The following ASXL1 variants were observed in gnomAD, a reference collection of about 807,000 sequenced individuals.
ASXL1 encodes ASXL transcriptional regulator 1.
Under a neutral mutation model 89.1 loss-of-function variants are expected in ASXL1, and 65 were observed. That is an observed-to-expected ratio of 0.73 (90% CI 0.60 to 0.90). ASXL1 has a LOEUF of 0.90. Among genes scored for constraint, ASXL1 ranks in the 40% least tolerant of loss-of-function variants. The pLI is 0.00. For missense variants in ASXL1, 1,786 were observed against 1,942.9 expected (o/e 0.92, Z 1.52); for synonymous variants, 739 against 746.9 (o/e 0.99, Z 0.17).
intron 4 of ASXL1, among the ~76,000 whole-genome samples, chr20:32,383,106 T>C (rs1381822391): frequency 6.6e-6 from 1 of 152,180 alleles, no homozygotes; most frequent in Admixed American, 6.5e-5. Flanking sequence ...ATTTTTTCTC[T>C]TGGTTTTCTG....
chr20:32,397,211 T>A (rs1301075209), intron 4 of ASXL1, among the ~76,000 whole-genome samples: 5 of 134,146 alleles, frequency 3.7e-5, no homozygotes, highest in Non-Finnish European at 8.0e-5. Flanking sequence ...TGCCTGGCCT[T>A]TTTTTTTTTT....
rs557370639 is a variant in ASXL1, at chr20:32,430,395, G to A, written c.718+342G>A. On this transcript the variant is annotated intron_variant, in intron 8 of 12. Coordinates refer to ENST00000375687, the MANE Select transcript of ASXL1 (RefSeq NM_015338.6). ...ATTCCAACACCCCTTTTCTCTCTTC[G>A]GTAGCATGTTGCCACATTTGTTCCC... 72 of 286,158 alleles carry A rather than the reference G, an allele frequency of 2.5e-4. No homozygotes were observed. The South Asian group carries it at 4.1e-3, about 16-fold the overall frequency. 17.7% of individuals were successfully genotyped at this position (286,158 alleles called of 1,614,324 possible). A position where few individuals can be genotyped will look rare whatever the true frequency, so the allele number is the denominator to read the frequency against.
intron 4 of ASXL1, among the ~76,000 whole-genome samples, chr20:32,390,507 CTG>C (rs2048652872): frequency 1.3e-5 from 2 of 152,160 alleles, no homozygotes; most frequent in African/African-American, 2.4e-5. Flanking sequence ...GACAGTCTCA[CTG>C]TCACCCAGGC....
chr20:32,372,520 G>A (rs2048314519), intron 4 of ASXL1: 1 of 554,514 alleles, frequency 1.8e-6, no homozygotes, highest in Non-Finnish European at 2.4e-6. Context: ...TAGGTACATA[G>A]TTGCCTTCAA....
intron 4 of ASXL1, among the ~76,000 whole-genome samples, chr20:32,404,167 C>A (rs761135827): frequency 6.6e-6 from 1 of 152,290 alleles, no homozygotes; most frequent in Admixed American, 6.5e-5. Context: ...CTCTTTATCT[C>A]CCTGCCCCCT....
Position 32,434,548 on chromosome 20 carries a change from G to T in ASXL1, c.1836G>T (p.Arg612Ser), listed in dbSNP as rs1224237404. 2 of 1,613,822 alleles carry T rather than the reference G, an allele frequency of 1.2e-6. No homozygotes were observed. The highest frequency in any genetic ancestry group is 3.3e-5 in the Admixed American group (2 of 60,034). ...ESSCRGWTGA[R>S]TLADIKARAL... ...CCTGCCGGGGTTGGACTGGCGCCAG[G>T]ACCCTCGCAGACATTAAAGCCCGTG... The change falls in exon 13 of 13, where the codon AGG (arginine) becomes AGT (serine). Residue 612 changes from arginine to serine, a missense_variant. Arg to Ser is a moderately radical substitution (Grantham distance 110). Around this residue, in one of 3 missense-constraint regions of ASXL1, gnomAD observed 1,418 missense variants for 1,427.8 expected, o/e 0.99. Coordinates refer to ENST00000375687, the MANE Select transcript of ASXL1 (RefSeq NM_015338.6).
intron 4 of ASXL1, 62 bp downstream of exon 4, chr20:32,369,185 C>T (rs1481051707): frequency 1.4e-6 from 2 of 1,457,730 alleles, no homozygotes; most frequent in African/African-American, 2.8e-5. Flanking sequence ...GCATAAAAAT[C>T]ACCTGGTAGG....
intron 4 of ASXL1, among the ~76,000 whole-genome samples, chr20:32,393,017 T>TA (rs1436502750): frequency 6.9e-6 from 1 of 145,920 alleles, no homozygotes; most frequent in African/African-American, 2.4e-5. Context: ...TCTGTATTCT[T>TA]ACCGATTTCC....
rs1408672633 is a variant in ASXL1 at position 32,434,878 on chromosome 20, T to G, written c.2166T>G (p.Pro722=). 6.2e-7 allele frequency: 1 copy of G among 1,614,102 alleles called. No individual in the cohort carries two copies. Among genetic ancestry groups the G allele is most frequent in the Non-Finnish European group, 8.5e-7 (1 of 1,180,000 alleles). ...AMSRARREDL[P]SLRKEESCLL... ...CCAGAGCTAGGAGAGAGGACCTGCCTTCTCTGAGAAAGGAGGAAAGCTGCC... is the reference window on the plus strand; with the variant it reads ...CCAGAGCTAGGAGAGAGGACCTGCCGTCTCTGAGAAAGGAGGAAAGCTGCC... The change falls in exon 13 of 13, where the codon CCT becomes CCG. Residue 722 remains proline (P), a synonymous_variant. Transcript: ENST00000375687.
chr20:32,434,468 A>T lies in ASXL1; in HGVS notation c.1756A>T (p.Lys586Ter). ...LSRIKPPWVV[K>*]GQPTYQICPR... is the part of the protein sequence containing the mutation. ...ACGTATCAAACCACCCTGGGTGGTT[A>T]AAGGTCAGCCCACTTACCAGATATG... is the stretch of plus-strand genomic sequence containing the variant. Residue 586 changes from lysine (K) to a stop codon, truncating the protein, a stop_gained, in exon 13 of 13, where the codon AAA becomes TAA. Transcript: ENST00000375687. LOFTEE classifies it low-confidence loss of function (END_TRUNC). 6.2e-7 allele frequency: 1 copy of T among 1,614,062 alleles called. No individual in the cohort carries two copies. The highest frequency in any genetic ancestry group is 8.5e-7 in the Non-Finnish European group (1 of 1,180,002).
At chr20:32,380,819 A>G (rs1409348111) in intron 4 of ASXL1, among the ~76,000 whole-genome samples, 1 of 152,264 alleles carries the variant, frequency 6.6e-6, no homozygotes, top group African/African-American at 2.4e-5. Context: ...GACTGGAGTA[A>G]GCTTAGATTT....
intron 4 of ASXL1, among the ~76,000 whole-genome samples, chr20:32,387,552 C>T (rs2048600567): frequency 6.6e-6 from 1 of 152,210 alleles, no homozygotes; most frequent in Non-Finnish European, 1.5e-5. Flanking sequence ...TGTCTATCTC[C>T]TGATGCACAC....
In ASXL1 at chr20:32,434,830, T is replaced by C. The variant is rs1600586907; in HGVS notation, c.2118T>C (p.His706=). 2 of 1,614,084 alleles carry C rather than the reference T, an allele frequency of 1.2e-6. No homozygotes were observed. Among genetic ancestry groups the C allele is most frequent in the East Asian group, 4.5e-5 (2 of 44,882 alleles). ...LLPPYPLNGE[H]TQAGTAMSRA... is the part of the protein sequence containing the mutation. The stretch of plus-strand genomic sequence containing the variant: ...CGCCTTATCCTCTAAATGGGGAGCA[T>C]ACCCAGGCCGGAACTGCCATGTCCA... The change falls in exon 13 of 13, where the codon CAT becomes CAC. Residue 706 remains histidine (H), a synonymous_variant. Coordinates refer to ENST00000375687, the MANE Select transcript of ASXL1 (RefSeq NM_015338.6).
At chr20:32,389,176 T>C (rs775775071) in intron 4 of ASXL1, among the ~76,000 whole-genome samples, 28 of 152,232 alleles carry the variant, frequency 1.8e-4, no homozygotes, top group Non-Finnish European at 7.3e-5. Context: ...TAATAATTTT[T>C]CCTGCTTTAA....
At chr20:32,433,069 G>C (rs2011575249) in intron 11 of ASXL1, 84 bp downstream of exon 11, 1 of 1,579,184 alleles carries the variant, frequency 6.3e-7, no homozygotes, top group African/African-American at 1.4e-5. Context: ...ATACTTATGT[G>C]TTGGACAAGA....
Position 32,433,421 on chromosome 20 carries a change from T to A in ASXL1, c.1223T>A (p.Phe408Tyr), listed in dbSNP as rs2123256048. The A allele has an allele frequency of 6.2e-7, 1 of 1,614,080 alleles. No individual in the cohort carries two copies. Among genetic ancestry groups the A allele is most frequent in the South Asian group, 1.1e-5 (1 of 91,072 alleles). ...GCCACCCGACAGCGAGATGGGCATT[T>A]TAAGAAACGCTCTCGGCCAGATCTC... is the stretch of plus-strand genomic sequence containing the variant. ...GPATRQRDGH[F>Y]KKRSRPDLRT... The change falls in exon 12 of 13, where the codon TTT (phenylalanine) becomes TAT (tyrosine). Residue 408 changes from phenylalanine to tyrosine, a missense_variant. Transcript: ENST00000375687.
At chr20:32,404,963 A>G (rs2048931603) in intron 4 of ASXL1, among the ~76,000 whole-genome samples, 2 of 152,146 alleles carry the variant, frequency 1.3e-5, no homozygotes, top group Admixed American at 6.5e-5. Flanking sequence ...TCATATGCTT[A>G]CTGACCATTT....
intron 1 of ASXL1, 66 bp downstream of exon 1, chr20:32,358,898 C>T: frequency 2.1e-6 from 3 of 1,411,482 alleles, no homozygotes; most frequent in African/African-American, 3.0e-5. Flanking sequence ...GCGCACCCCC[C>T]CACTGGGGGG....
Position 32,436,857 on chromosome 20 carries a change from C to T in ASXL1, c.4145C>T (p.Ala1382Val). Residue 1382 changes from alanine to valine, a missense_variant, in exon 13 of 13, where the codon GCC (alanine) becomes GTC (valine). By Grantham distance (64) the Ala-to-Val change is moderately conservative. Transcript: ENST00000375687. ...GTGGGGGGTCCTCTTAAGGCAAATG[C>T]CGAGAACAGGAAAGCTACTGGGCAT... ...TFVGGPLKANAENRKATGHSP... is the reference protein window; with the variant it reads ...TFVGGPLKANVENRKATGHSP... 1 of 1,614,134 alleles carries T rather than the reference C, an allele frequency of 6.2e-7. No homozygotes were observed. Among genetic ancestry groups the T allele is most frequent in the Non-Finnish European group, 8.5e-7 (1 of 1,180,030 alleles).
Sources: gnomAD v4.1 joint callset for allele counts (sites outside exome capture counted in the v4.1 genomes callset) on GRCh38, gnomAD v4.1.1 for gene constraint, gnomAD v4.1.1 regional missense constraint, MANE v1.5 for transcripts, NCBI Gene and HGNC (gene_info 2026-07-23, HGNC 2026-07-21) for gene names.